The following MTUS2 variants were observed in gnomAD, a reference collection of about 807,000 sequenced individuals.
The protein encoded by MTUS2 is microtubule-associated tumor suppressor candidate 2.
Under a neutral mutation model 114.1 loss-of-function variants are expected in MTUS2, and 40 were observed. The ratio of observed to expected loss-of-function variants is 0.35; its 90% confidence interval spans 0.27 to 0.46. The LOEUF (loss-of-function observed/expected upper bound fraction) is 0.46, where lower values mean the gene tolerates loss of function less well. MTUS2 is among the 20% of genes least tolerant of loss of function. MTUS2 has a pLI of 1.00. For synonymous variants in MTUS2, 688 were observed against 672.0 expected, an observed-to-expected ratio of 1.02 and a Z score of -0.37; for missense variants, 1,679 against 1,705.4, an observed-to-expected ratio of 0.98 and a Z score of 0.27.
chr13:28,986,230 C>G (rs1243979595), intron 2 of MTUS2, among the ~76,000 whole-genome samples: 1 of 151,946 alleles, frequency 6.6e-6, no homozygotes, highest in Non-Finnish European at 1.5e-5. Context: ...TAGTTGGGAG[C>G]TGTTGGGGCC....
intron 8 of MTUS2, among the ~76,000 whole-genome samples, chr13:29,385,645 G>A (rs1002807387): frequency 3.3e-5 from 5 of 151,890 alleles, no homozygotes; most frequent in African/African-American, 1.2e-4. Flanking sequence ...CTTCCTTCCT[G>A]GTTGTTGTCT....
intron 2 of MTUS2, among the ~76,000 whole-genome samples, chr13:29,004,462 T>G (rs1366537473): frequency 6.6e-6 from 1 of 152,200 alleles, no homozygotes; most frequent in Non-Finnish European, 1.5e-5. Context: ...TTTTTACAAT[T>G]CTGGTCTTTA....
intron 7 of MTUS2, among the ~76,000 whole-genome samples, chr13:29,329,800 G>A (rs1166211022): frequency 6.6e-6 from 1 of 151,926 alleles, no homozygotes; most frequent in Non-Finnish European, 1.5e-5. Context: ...TTTTAGTAGA[G>A]ATGGGGTTTC....
chr13:28,844,417 G>A (rs1018485685), intron 2 of MTUS2, among the ~76,000 whole-genome samples: 5 of 151,888 alleles, frequency 3.3e-5, no homozygotes, highest in African/African-American at 9.7e-5. Context: ...GTGTGTGTGC[G>A]CGCATGTGTG....
At chr13:29,241,641 T>G (rs1365327027) in intron 5 of MTUS2, among the ~76,000 whole-genome samples, 1 of 152,232 alleles carries the variant, frequency 6.6e-6, no homozygotes, top group Non-Finnish European at 1.5e-5. Context: ...TTGTTCTGTT[T>G]AAGTCTTTTT....
intron 1 of MTUS2, among the ~76,000 whole-genome samples, chr13:28,828,919 T>A (rs1434029779): frequency 6.6e-6 from 1 of 152,202 alleles, no homozygotes; most frequent in African/African-American, 2.4e-5. Flanking sequence ...ATTTCGTTCA[T>A]CATGGATTTT....
intron 2 of MTUS2, among the ~76,000 whole-genome samples, chr13:28,911,093 T>C (rs1880396869): frequency 2.0e-5 from 3 of 151,248 alleles, no homozygotes; most frequent in African/African-American, 2.4e-5. Flanking sequence ...TCCAGGATGG[T>C]CTTGATCTCC....
chr13:28,887,337 C>T lies in MTUS2; in HGVS notation c.-243+47487C>T, dbSNP rs149617237. Among the ~76,000 whole-genome samples, 235 of 152,270 alleles carry T rather than the reference C, an allele frequency of 1.5e-3. 2 individuals carry two copies. Among genetic ancestry groups the T allele is most frequent in the African/African-American group, 5.4e-3 (223 of 41,548 alleles). On this transcript the variant is annotated intron_variant, in intron 2 of 15. Coordinates refer to ENST00000612955, the MANE Select transcript of MTUS2 (RefSeq NM_001033602.4). ...CCCTCGCCCCTTTCGGCTCCCTGGA[C>T]GCTACTCGTTTCTGACGCACCTCCC...
chr13:29,134,032 A>G (rs9506111), intron 5 of MTUS2, among the ~76,000 whole-genome samples: 24,655 of 152,130 alleles, frequency 0.16, 3,603 homozygotes, highest in African/African-American at 0.4. Context: ...ATGGCTACAA[A>G]TTTGCCCTTT....
intron 2 of MTUS2, among the ~76,000 whole-genome samples, chr13:28,901,230 C>CT (rs1879626386): frequency 6.6e-6 from 1 of 152,004 alleles, no homozygotes. Context: ...TAAGTCTTGA[C>CT]TTTTGAGAGT....
At chr13:29,248,927 GCAATAAA>G (rs1897024258) in intron 5 of MTUS2, among the ~76,000 whole-genome samples, 1 of 152,150 alleles carries the variant, frequency 6.6e-6, no homozygotes, top group Non-Finnish European at 1.5e-5. Flanking sequence ...GAATAGTGCT[GCAATAAA>G]CATATGTATG....
chr13:29,202,835 A>T (rs1319953365), intron 5 of MTUS2, among the ~76,000 whole-genome samples: 1 of 152,178 alleles, frequency 6.6e-6, no homozygotes, highest in Admixed American at 6.5e-5. Flanking sequence ...TCACCAGCGG[A>T]GGCTGCAGAA....
chr13:29,068,796 G>C lies in MTUS2; in HGVS notation c.2447-31977G>C, dbSNP rs369863001. Reference sequence around the variant, plus strand: ...CACAGGTAGATTGTAGAGTGTCAGGGGAAAGATGAGAAAAGGGACTGGAGA... The same window carrying C: ...CACAGGTAGATTGTAGAGTGTCAGGCGAAAGATGAGAAAAGGGACTGGAGA... On this transcript the variant is annotated intron_variant, in intron 4 of 15. Transcript: ENST00000612955. Among the ~76,000 whole-genome samples the C allele has an allele frequency of 6.6e-5, 10 of 152,284 alleles. 1 individual carries two copies. Among genetic ancestry groups the C allele is most frequent in the African/African-American group, 2.4e-4 (10 of 41,558 alleles).
chr13:29,105,319 G>T (rs963260186), intron 5 of MTUS2, among the ~76,000 whole-genome samples: 2 of 152,116 alleles, frequency 1.3e-5, no homozygotes, highest in African/African-American at 2.4e-5. Flanking sequence ...GAACATGTGC[G>T]GAGGGAAAAT....
intron 9 of MTUS2, among the ~76,000 whole-genome samples, chr13:29,465,508 G>A (rs1003764968): frequency 2.0e-5 from 3 of 152,188 alleles, no homozygotes; most frequent in South Asian, 4.1e-4. Flanking sequence ...AGGTAATCGC[G>A]TAGGCTACCC....
At chr13:29,284,411 A>T (rs942551938) in intron 6 of MTUS2, among the ~76,000 whole-genome samples, 24 of 152,168 alleles carry the variant, frequency 1.6e-4, no homozygotes, top group Admixed American at 7.2e-4. Flanking sequence ...TTAAAAAAAA[A>T]AAATGATGGC....
At chr13:29,491,872 G>A (rs1882138876) in intron 11 of MTUS2, among the ~76,000 whole-genome samples, 1 of 147,650 alleles carries the variant, frequency 6.8e-6, no homozygotes, top group Non-Finnish European at 1.5e-5. Context: ...TATGTGATGT[G>A]TGTGTGGTGG....
intron 9 of MTUS2, among the ~76,000 whole-genome samples, chr13:29,456,137 A>G (rs1187493794): frequency 6.6e-6 from 1 of 152,246 alleles, no homozygotes; most frequent in Non-Finnish European, 1.5e-5. Flanking sequence ...AAACAGGTAG[A>G]GAAGCACAAC....
chr13:29,319,277 A>G (rs1900150991), intron 6 of MTUS2, among the ~76,000 whole-genome samples: 3 of 152,342 alleles, frequency 2.0e-5, no homozygotes, highest in South Asian at 4.1e-4. Flanking sequence ...TTGGGCTCAC[A>G]GAACTGAGAG....
Sources: gnomAD v4.1 joint callset for allele counts (sites outside exome capture counted in the v4.1 genomes callset) on GRCh38, gnomAD v4.1.1 for gene constraint, MANE v1.5 for transcripts, NCBI Gene and HGNC (gene_info 2026-07-23, HGNC 2026-07-21) for gene names.